RGS7: variants seen among roughly 807,000 people sequenced by gnomAD.
The protein encoded by RGS7 is regulator of G-protein signaling 7.
In RGS7, 27 loss-of-function variants were observed where a neutral mutation model predicts 81.1. The ratio of observed to expected loss-of-function variants is 0.33; its 90% CI spans 0.25 to 0.46. The LOEUF (loss-of-function observed/expected upper bound fraction) is 0.46, where lower values mean the gene tolerates loss of function less well. Ranked by LOEUF, RGS7 falls within the 20% of genes least tolerant of loss-of-function variation. The pLI is 1.00. For synonymous variants in RGS7, 208 were observed against 207.7 expected (o/e 1.00, Z -0.01); for missense variants, 396 against 607.4 (o/e 0.65, Z 3.66).
intron 6 of RGS7, among the ~76,000 whole-genome samples, chr1:240,900,409 C>G (rs1025596793): frequency 2.0e-5 from 3 of 152,172 alleles, no homozygotes; most frequent in Non-Finnish European, 4.4e-5. Flanking sequence ...TCTGGTTACT[C>G]CCCATCTTTG....
At chr1:240,863,888 G>A (rs953600054) in intron 9 of RGS7, among the ~76,000 whole-genome samples, 17 of 152,150 alleles carry the variant, frequency 1.1e-4, no homozygotes, top group African/African-American at 3.9e-4. Context: ...TATCCTCTGC[G>A]GACTATTGCA....
At chr1:240,808,269 C>G (rs1689235169) in intron 14 of RGS7, among the ~76,000 whole-genome samples, 1 of 152,116 alleles carries the variant, frequency 6.6e-6, no homozygotes, top group Non-Finnish European at 1.5e-5. Context: ...CTGGGAAAGG[C>G]AAGCAGGAAA....
intron 12 of RGS7, among the ~76,000 whole-genome samples, chr1:240,814,305 T>A (rs1690406191): frequency 6.6e-6 from 1 of 152,222 alleles, no homozygotes; most frequent in African/African-American, 2.4e-5. Context: ...AATTTGAGTT[T>A]CATTCATATT....
rs372097175 is a variant in RGS7, at chr1:241,341,437, A to T, written c.78+14262T>A. Among the ~76,000 whole-genome samples, 13 of 152,360 alleles carry T rather than the reference A, an allele frequency of 8.5e-5. No homozygotes were observed. The East Asian group carries it at 2.1e-3, about 25-fold the overall frequency. Reference sequence around the variant, plus strand: ...AAAAATACTTGGTAAAATGAAAAACATAATTTGTCATATTTACTAAAACTA... The same window carrying T: ...AAAAATACTTGGTAAAATGAAAAACTTAATTTGTCATATTTACTAAAACTA... On this transcript the variant is annotated intron_variant, in intron 2 of 18. Transcript: ENST00000440928.
rs1410349807 is a variant in RGS7 at position 240,877,640 on chromosome 1, T to G, written c.386-7521A>C. 3.3e-5 allele frequency among the ~76,000 whole-genome samples: 5 copies of G among 152,326 alleles called. No homozygotes were observed. The East Asian group carries it at 7.7e-4, about 23-fold the overall frequency. On this transcript the variant is annotated intron_variant, in intron 6 of 18. Transcript: ENST00000440928. ...TGCTGAGATGTAATGTAATTTATTT[T>G]AATGAGTTCTTATTATTGGACATTT...
At chr1:241,350,837 G>A (rs1460616656) in intron 2 of RGS7, among the ~76,000 whole-genome samples, 1 of 151,750 alleles carries the variant, frequency 6.6e-6, no homozygotes, top group Non-Finnish European at 1.5e-5. Flanking sequence ...GACCAGATGG[G>A]CAGTCCTGCA....
rs1386204866 is a variant in RGS7, at chr1:241,339,716, A to G, written c.78+15983T>C. Among the ~76,000 whole-genome samples the G allele has an allele frequency of 3.3e-5, 5 of 152,292 alleles. No individual in the cohort carries two copies. The East Asian group carries it at 9.7e-4, about 29-fold the overall frequency. ...TCTGGCCTGCAAGAAAAACAAAAGA[A>G]AAACAAGAAAGGTGCATGCCCTTTT... On this transcript the variant is annotated intron_variant, in intron 2 of 18. Transcript: ENST00000440928.
At chr1:241,156,391 A>T (rs1486547151) in intron 2 of RGS7, among the ~76,000 whole-genome samples, 1 of 151,938 alleles carries the variant, frequency 6.6e-6, no homozygotes, top group Admixed American at 6.6e-5. Context: ...TTGTGCTCCC[A>T]GATACTAGGA....
At chr1:241,042,081 A>T (rs907735110) in intron 3 of RGS7, among the ~76,000 whole-genome samples, 1 of 152,220 alleles carries the variant, frequency 6.6e-6, no homozygotes, top group Non-Finnish European at 1.5e-5. Flanking sequence ...GATCTCCCAT[A>T]GTATATAGAG....
intron 6 of RGS7, among the ~76,000 whole-genome samples, chr1:240,895,382 G>A (rs372587600): frequency 1.3e-5 from 2 of 151,776 alleles, no homozygotes; most frequent in South Asian, 2.1e-4. Flanking sequence ...TTGGTGTGCT[G>A]CACCCATTAA....
chr1:240,817,471 T>G (rs1195925831), intron 10 of RGS7, among the ~76,000 whole-genome samples: 1 of 152,200 alleles, frequency 6.6e-6, no homozygotes, highest in Admixed American at 6.5e-5. Flanking sequence ...TTCAATGTGT[T>G]TTTATTCCTG....
intron 18 of RGS7, among the ~76,000 whole-genome samples, chr1:240,800,202 T>A (rs534487967): frequency 6.6e-6 from 1 of 152,188 alleles, no homozygotes. Context: ...TGGTGACTTA[T>A]GAGGCATGCT....
chr1:240,835,861 C>T (rs1309635986), intron 9 of RGS7, among the ~76,000 whole-genome samples: 1 of 152,144 alleles, frequency 6.6e-6, no homozygotes, highest in African/African-American at 2.4e-5. Flanking sequence ...CGATTCCAAT[C>T]ATATGACATT....
intron 6 of RGS7, among the ~76,000 whole-genome samples, chr1:240,926,826 G>A (rs1262186403): frequency 1.3e-5 from 2 of 152,096 alleles, no homozygotes; most frequent in African/African-American, 4.8e-5. Flanking sequence ...CTTGATTTTC[G>A]AAGAATGGAG....
intron 3 of RGS7, among the ~76,000 whole-genome samples, chr1:240,988,274 AATTT>A (rs1232330593): frequency 1.3e-5 from 2 of 151,182 alleles, no homozygotes; most frequent in East Asian, 3.9e-4. Flanking sequence ...TCATTATCAT[AATTT>A]AAAAAGTTCT....
chr1:240,968,785 T>C (rs181908601), intron 4 of RGS7, among the ~76,000 whole-genome samples: 5 of 152,194 alleles, frequency 3.3e-5, no homozygotes. Flanking sequence ...CATCTATCAG[T>C]GCCCTTATCA....
intron 2 of RGS7, among the ~76,000 whole-genome samples, chr1:241,212,086 TTGAG>T (rs1489061044): frequency 2.0e-5 from 3 of 151,618 alleles, no homozygotes; most frequent in Non-Finnish European, 2.9e-5. Flanking sequence ...CATGTAATAA[TTGAG>T]TAATAAATTA....
rs918287458 is a variant in RGS7 at position 241,073,050 on chromosome 1, G to T, written c.175+25616C>A. ...GTTCCTCAATCTCATTTCTCATGGT[G>T]CTGAGTTCCATGGGGCAAACTGGTT... On this transcript the variant is annotated intron_variant, in intron 3 of 18. Transcript: ENST00000440928. Among the ~76,000 whole-genome samples, 7 of 152,100 alleles carry T rather than the reference G, an allele frequency of 4.6e-5. No individual in the cohort carries two copies. In the South Asian group the frequency reaches 1.5e-3, roughly 32 times the overall value.
chr1:240,835,839 C>A (rs909227681), intron 9 of RGS7, among the ~76,000 whole-genome samples: 1 of 152,122 alleles, frequency 6.6e-6, no homozygotes, highest in Non-Finnish European at 1.5e-5. Flanking sequence ...TCTGAAAAAG[C>A]CACAGATTGT....
Sources: allele counts gnomAD v4.1 joint callset (sites outside exome capture counted in the v4.1 genomes callset), GRCh38; gene constraint gnomAD v4.1.1; transcripts MANE v1.5; gene names NCBI Gene and HGNC (gene_info 2026-07-23, HGNC 2026-07-21).